Variants in SCN1A observed in about 807,000 individuals in gnomAD.
SCN1A encodes the protein sodium channel protein type 1 subunit alpha.
In SCN1A, 13 loss-of-function variants were observed where a neutral mutation model predicts 193.7. That is an observed-to-expected ratio of 0.07 (90% CI 0.04 to 0.11). The LOEUF (loss-of-function observed/expected upper bound fraction) is 0.11, where lower values mean the gene tolerates loss of function less well. Ranked by LOEUF, SCN1A falls within the 10% of genes least tolerant of loss-of-function variation. SCN1A has a pLI of 1.00. For missense variants in SCN1A, 1,432 were observed against 2,451.1 expected (o/e 0.58, Z 8.78); for synonymous variants, 781 against 843.6 (o/e 0.93, Z 1.29).
At chr2:166,098,800 C>T (rs1030123744) in intron 2 of SCN1A, among the ~76,000 whole-genome samples, 4 of 152,050 alleles carry the variant, frequency 2.6e-5, no homozygotes, top group African/African-American at 9.7e-5. Context: ...ACACAGCTAA[C>T]CAGGGAGATG....
At chr2:166,000,010 C>T in intron 24 of SCN1A, 2 of 545,782 alleles carry the variant, frequency 3.7e-6, no homozygotes, top group East Asian at 3.1e-5. Flanking sequence ...AACCAACTCA[C>T]AAGCACTTTT....
intron 2 of SCN1A, among the ~76,000 whole-genome samples, chr2:166,091,781 C>T (rs754136305): frequency 7.2e-5 from 11 of 152,180 alleles, no homozygotes; most frequent in East Asian, 3.8e-4. Context: ...TCTTTCCCCA[C>T]GCCACTAGAA....
intron 3 of SCN1A, 133 bp from the exon 4 acceptor site, chr2:166,073,803 G>GA (rs1197891796): frequency 4.3e-6 from 3 of 703,676 alleles, no homozygotes; most frequent in Non-Finnish European, 6.8e-6. Context: ...GATTTCTAAA[G>GA]AAAAAATTTT....
chr2:166,145,178 G>GGAGGACAGAGTCTCGA (rs147154033), intron 1 of SCN1A, among the ~76,000 whole-genome samples: 1 of 129,450 alleles, frequency 7.7e-6, no homozygotes, highest in African/African-American at 2.9e-5. Flanking sequence ...TTTTTTGTGG[G>GGAGGACAGAGTCTCGA]GGACAGAGTC....
chr2:166,012,140 G>A lies in SCN1A; in HGVS notation c.3848C>T (p.Ala1283Val). The change falls in exon 22 of 29, where the codon GCC becomes GTC. Residue 1283 changes from alanine (A) to valine (V), a missense_variant. By Grantham distance (64) the Ala-to-Val change is moderately conservative (BLOSUM62 0). Transcript: ENST00000674923. ...AATTAAGAAGTCCAGCCAACACCAG[G>A]CATTGGTGAAATATGTTTGATAGCC... ...AYGYQTYFTN[A>V]WCWLDFLIVD... 1 of 1,610,118 alleles carries A rather than the reference G, an allele frequency of 6.2e-7. No individual in the cohort carries two copies. The highest frequency in any genetic ancestry group is 1.1e-5 in the South Asian group (1 of 91,016).
intron 2 of SCN1A, among the ~76,000 whole-genome samples, chr2:166,121,264 T>C (rs1016486510): frequency 2.0e-5 from 3 of 152,234 alleles, no homozygotes; most frequent in Non-Finnish European, 4.4e-5. Context: ...GCTCCTGGCA[T>C]TTTTCAGTCT....
intron 10 of SCN1A, 94 bp from the exon 11 acceptor site, chr2:166,047,862 T>C: frequency 6.5e-7 from 1 of 1,545,370 alleles, no homozygotes; most frequent in Non-Finnish European, 8.9e-7. Flanking sequence ...AAAGATTTGG[T>C]ATTTCAAAAT....
intron 2 of SCN1A, among the ~76,000 whole-genome samples, chr2:166,083,941 G>T (rs1033931195): frequency 4.6e-5 from 7 of 152,012 alleles, no homozygotes; most frequent in African/African-American, 1.7e-4. Flanking sequence ...CAGAGATTTG[G>T]GAGGATGTAG....
intron 14 of SCN1A, 148 bp downstream of exon 14, chr2:166,043,521 G>T (rs1697397676): frequency 2.4e-6 from 2 of 835,330 alleles, no homozygotes; most frequent in South Asian, 1.9e-5. Context: ...AGTTTTAGTT[G>T]GTTAGTCTAT....
At chr2:166,140,812 G>A (rs761882452) in intron 1 of SCN1A, among the ~76,000 whole-genome samples, 20 of 152,088 alleles carry the variant, frequency 1.3e-4, no homozygotes, top group Admixed American at 3.3e-4. Flanking sequence ...GGCTCTGCTT[G>A]ATGTTTGTGA....
chr2:166,036,445 T>C lies in SCN1A; in HGVS notation c.3032A>G (p.Asn1011Ser). ...AATDDDNEMN[N>S]LQIAVDRMHK... ...CATCCTATCCACAGCAATTTGGAGA[T>C]TATTCATTTCATTATCATCATCAGT... Residue 1011 changes from asparagine to serine, a missense_variant, in exon 19 of 29, where the codon AAT becomes AGT. Asn to Ser is a conservative substitution (Grantham distance 46). Around this residue, in one of 18 missense-constraint regions of SCN1A, gnomAD observed 13 missense variants for 20.6 expected, o/e 0.63. Coordinates refer to ENST00000674923, the MANE Select transcript of SCN1A (RefSeq NM_001165963.4). 6.2e-7 allele frequency: 1 copy of C among 1,607,872 alleles called. No individual in the cohort carries two copies. The highest frequency in any genetic ancestry group is 8.5e-7 in the Non-Finnish European group (1 of 1,178,352).
intron 19 of SCN1A, among the ~76,000 whole-genome samples, chr2:166,022,045 G>A (rs1285899754): frequency 6.6e-6 from 1 of 152,106 alleles, no homozygotes. Context: ...CAGCATTATA[G>A]CTGGATCCCA....
At chr2:166,069,135 T>TAAAC (rs564836119) in intron 4 of SCN1A, among the ~76,000 whole-genome samples, 1 of 152,050 alleles carries the variant, frequency 6.6e-6, no homozygotes, top group Non-Finnish European at 1.5e-5. Flanking sequence ...CTAAAGTAAA[T>TAAAC]AAACAAACAA....
At chr2:166,095,864 T>C (rs1687319471) in intron 2 of SCN1A, among the ~76,000 whole-genome samples, 1 of 152,230 alleles carries the variant, frequency 6.6e-6, no homozygotes, top group South Asian at 2.1e-4. Context: ...TAATAGTCTT[T>C]AGATTAATTT....
intron 2 of SCN1A, among the ~76,000 whole-genome samples, chr2:166,080,059 G>A (rs1685349759): frequency 6.6e-6 from 1 of 151,308 alleles, no homozygotes; most frequent in Admixed American, 6.6e-5. Context: ...ATGAAAAATT[G>A]TTCTAAATTA....
At chr2:166,098,428 TC>T (rs148547314) in intron 2 of SCN1A, among the ~76,000 whole-genome samples, 53 of 152,136 alleles carry the variant, frequency 3.5e-4, no homozygotes, top group Non-Finnish European at 6.5e-4. Context: ...GAAAGCATTC[TC>T]CCTAAGAACT....
In SCN1A at chr2:166,123,223, C is replaced by CAAAAAAAAAAA. The variant is rs57488795; in HGVS notation, c.-142+3690_-142+3700dup. Reference sequence around the variant, plus strand: ...AATCACATTCCTACTCATTCATTTGCAAAAAAAAAAAAAAAAAAAAAAAAA... The same window carrying CAAAAAAAAAAA: ...AATCACATTCCTACTCATTCATTTGCAAAAAAAAAAAAAAAAAAAAAAAAAAAAAAAAAAAA... On this transcript the variant is annotated intron_variant, in intron 2 of 28. Transcript: ENST00000674923. Among the ~76,000 whole-genome samples, 97 of 116,374 alleles carry CAAAAAAAAAAA rather than the reference C, an allele frequency of 8.3e-4. 4 individuals are homozygous for CAAAAAAAAAAA. Among genetic ancestry groups the CAAAAAAAAAAA allele is most frequent in the Non-Finnish European group, 1.2e-3 (70 of 58,144 alleles). The allele number at this position is 116,374 out of a possible 152,430, so 76.3% of individuals were successfully genotyped here. A position where few individuals can be genotyped will look rare whatever the true frequency, so the allele number is the denominator to read the frequency against.
chr2:166,105,126 C>T (rs481757), intron 2 of SCN1A, among the ~76,000 whole-genome samples: 3 of 151,938 alleles, frequency 2.0e-5, no homozygotes, highest in African/African-American at 7.3e-5. Flanking sequence ...TATTTGCTTG[C>T]TGTACCTGGA....
At chr2:166,142,956 T>C (rs1692152539) in intron 1 of SCN1A, among the ~76,000 whole-genome samples, 1 of 152,206 alleles carries the variant, frequency 6.6e-6, no homozygotes, top group South Asian at 2.1e-4. Context: ...TCTGCCATGA[T>C]TATGAGGCCT....
Sources: gnomAD v4.1 joint callset for allele counts (sites outside exome capture counted in the v4.1 genomes callset) on GRCh38, gnomAD v4.1.1 for gene constraint, gnomAD v4.1.1 regional missense constraint, MANE v1.5 for transcripts, NCBI Gene and HGNC (gene_info 2026-07-23, HGNC 2026-07-21) for gene names.